GPR137C: variants seen among roughly 807,000 people sequenced by gnomAD.
GPR137C encodes the protein G protein-coupled receptor 137C, also known as integral membrane protein GPR137C.
In GPR137C, 27 loss-of-function variants were observed where a neutral mutation model predicts 43.4. The ratio of observed to expected loss-of-function variants is 0.62; its 90% CI spans 0.46 to 0.86. The LOEUF is 0.86. Among genes scored for constraint, GPR137C ranks in the 40% least tolerant of loss-of-function variants. The probability of loss-of-function intolerance (pLI) is 0.00; values close to 1 mark genes in which losing one functional copy is unlikely to be tolerated. For missense variants in GPR137C, 522 were observed against 534.6 expected (o/e 0.98, Z 0.23); for synonymous variants, 285 against 226.9 (o/e 1.26, Z -2.30).
intron 1 of GPR137C, among the ~76,000 whole-genome samples, chr14:52,573,642 C>T (rs774866782): frequency 1.2e-4 from 18 of 152,106 alleles, no homozygotes; most frequent in Non-Finnish European, 2.2e-4. Context: ...CTAGGCAATA[C>T]CATTCAGGAC....
chr14:52,576,229 T>C (rs1033707760), intron 1 of GPR137C, among the ~76,000 whole-genome samples: 1 of 152,228 alleles, frequency 6.6e-6, no homozygotes, highest in Non-Finnish European at 1.5e-5. Flanking sequence ...AGTATTTGAC[T>C]TTCTGTTTCT....
At chr14:52,577,644 G>T (rs944559037) in intron 1 of GPR137C, among the ~76,000 whole-genome samples, 6 of 151,858 alleles carry the variant, frequency 4.0e-5, no homozygotes, top group Admixed American at 3.9e-4. Context: ...AAACTATAAA[G>T]ATCTGATTTT....
chr14:52,606,446 A>T (rs2038984629), intron 3 of GPR137C, among the ~76,000 whole-genome samples: 1 of 151,204 alleles, frequency 6.6e-6, no homozygotes, highest in African/African-American at 2.4e-5. Flanking sequence ...AAATTTGTTT[A>T]TTTACTTTGA....
At chr14:52,586,265 C>T (rs1269325103) in intron 1 of GPR137C, among the ~76,000 whole-genome samples, 4 of 152,208 alleles carry the variant, frequency 2.6e-5, no homozygotes, top group African/African-American at 9.6e-5. Context: ...CATGCAAAAA[C>T]ATGAGACATT....
chr14:52,588,988 T>G (rs1332163739), intron 1 of GPR137C, among the ~76,000 whole-genome samples: 2 of 152,200 alleles, frequency 1.3e-5, no homozygotes, highest in African/African-American at 2.4e-5. Context: ...TACCTAAGTG[T>G]CCATTGATTG....
chr14:52,589,064 G>A (rs1343722659), intron 1 of GPR137C, among the ~76,000 whole-genome samples: 1 of 152,160 alleles, frequency 6.6e-6, no homozygotes, highest in Non-Finnish European at 1.5e-5. Context: ...AGAAAGAAAG[G>A]ACATTCTGAC....
intron 1 of GPR137C, among the ~76,000 whole-genome samples, chr14:52,575,799 C>T (rs1194169949): frequency 6.6e-6 from 1 of 152,166 alleles, no homozygotes; most frequent in African/African-American, 2.4e-5. Flanking sequence ...GGACAGTCTA[C>T]TTTAATCTCT....
At chr14:52,564,776 G>A (rs574547968) in intron 1 of GPR137C, among the ~76,000 whole-genome samples, 2 of 152,216 alleles carry the variant, frequency 1.3e-5, no homozygotes, top group South Asian at 2.1e-4. Context: ...TTTAACATCT[G>A]ATGTGTATTA....
intron 1 of GPR137C, among the ~76,000 whole-genome samples, chr14:52,585,066 A>T (rs1380616016): frequency 1.3e-5 from 2 of 152,166 alleles, no homozygotes; most frequent in African/African-American, 4.8e-5. Flanking sequence ...CCAGTGCTTA[A>T]ATCTAACATC....
intron 1 of GPR137C, 27 bp from the exon 2 acceptor site, chr14:52,598,245 A>AT: frequency 2.8e-6 from 3 of 1,052,752 alleles, no homozygotes; most frequent in Non-Finnish European, 4.1e-6. Context: ...ACGTTTTCAA[A>AT]ATTTTTTTTT....
chr14:52,590,839 G>GT, intron 1 of GPR137C, among the ~76,000 whole-genome samples: 1 of 151,808 alleles, frequency 6.6e-6, no homozygotes, highest in East Asian at 1.9e-4. Context: ...TGTTTGTTTT[G>GT]TTTTTTATTA....
At chr14:52,572,680 C>G (rs1306548264) in intron 1 of GPR137C, among the ~76,000 whole-genome samples, 1 of 152,136 alleles carries the variant, frequency 6.6e-6, no homozygotes, top group Non-Finnish European at 1.5e-5. Flanking sequence ...TCCTTTGAAA[C>G]TGGCACAAGA....
At chr14:52,584,461 A>C (rs539872744) in intron 1 of GPR137C, among the ~76,000 whole-genome samples, 5 of 152,288 alleles carry the variant, frequency 3.3e-5, no homozygotes, top group African/African-American at 1.2e-4. Context: ...TCCTCACAGA[A>C]GTATTCTTCG....
chr14:52,628,909 C>G (rs1480013631), intron 3 of GPR137C, among the ~76,000 whole-genome samples: 1 of 152,168 alleles, frequency 6.6e-6, no homozygotes, highest in East Asian at 1.9e-4. Flanking sequence ...AGTTGATTGT[C>G]AGCATATATA....
intron 3 of GPR137C, among the ~76,000 whole-genome samples, chr14:52,630,406 A>C (rs930949385): frequency 6.6e-6 from 1 of 152,104 alleles, no homozygotes; most frequent in Non-Finnish European, 1.5e-5. Flanking sequence ...CTTTAATAAT[A>C]CATTACTTCT....
chr14:52,621,363 G>T (rs991515123), intron 3 of GPR137C, among the ~76,000 whole-genome samples: 9 of 151,588 alleles, frequency 5.9e-5, no homozygotes, highest in African/African-American at 2.2e-4. Context: ...CCAGAAAAAA[G>T]AAAACTAAGG....
At position 52,552,952 on chromosome 14, in the gene GPR137C, G is replaced by A. The variant is rs976257671; in HGVS notation, c.-196G>A. 1.3e-5 allele frequency among the ~76,000 whole-genome samples: 2 copies of A among 151,764 alleles called. No individual in the cohort carries two copies. The highest frequency in any genetic ancestry group is 4.8e-5 in the African/African-American group (2 of 41,342). On this transcript the variant is annotated 5_prime_UTR_variant, in exon 1 of 7. The change creates a new upstream start codon in the 5' untranslated region. Coordinates refer to ENST00000321662, the MANE Select transcript of GPR137C (RefSeq NM_001099652.2). Reference sequence around the variant, plus strand: ...CAGGAGGAGCCGAGACCCCCGGGGGGTGGGGGGAAAGAGGAGGCGGGGTCC... The same window carrying A: ...CAGGAGGAGCCGAGACCCCCGGGGGATGGGGGGAAAGAGGAGGCGGGGTCC...
At chr14:52,569,525 C>T (rs2038431395) in intron 1 of GPR137C, among the ~76,000 whole-genome samples, 1 of 151,734 alleles carries the variant, frequency 6.6e-6, no homozygotes, top group African/African-American at 2.4e-5. Context: ...TAACCCAATG[C>T]AAGGAAGCTA....
At chr14:52,572,311 C>T (rs961988558) in intron 1 of GPR137C, among the ~76,000 whole-genome samples, 1 of 152,172 alleles carries the variant, frequency 6.6e-6, no homozygotes, top group African/African-American at 2.4e-5. Flanking sequence ...AAATTTCAGA[C>T]CAATATCCCT....
Sources: allele counts gnomAD v4.1 joint callset (sites outside exome capture counted in the v4.1 genomes callset), GRCh38; gene constraint gnomAD v4.1.1; transcripts MANE v1.5; gene names NCBI Gene and HGNC (gene_info 2026-07-23, HGNC 2026-07-21).